Variants in FBLN1 observed in about 807,000 individuals in gnomAD.
The protein encoded by FBLN1 is fibulin-1.
In FBLN1, 34 loss-of-function variants were observed where a neutral mutation model predicts 89.7. That is an observed-to-expected ratio of 0.38 (90% CI 0.29 to 0.50). The LOEUF (loss-of-function observed/expected upper bound fraction) is 0.50, where lower values mean the gene tolerates loss of function less well. Ranked by LOEUF, FBLN1 falls within the 20% of genes least tolerant of loss-of-function variation. The pLI is 0.92. For missense variants in FBLN1, 777 were observed against 988.1 expected, an observed-to-expected ratio of 0.79 and a Z score of 2.86; for synonymous variants, 393 against 391.3, an observed-to-expected ratio of 1.00 and a Z score of -0.05.
chr22:45,533,262 G>A (rs2088433750), intron 6 of FBLN1, 98 bp downstream of exon 6: 29 of 1,155,806 alleles, frequency 2.5e-5, no homozygotes, highest in Non-Finnish European at 3.8e-5. Flanking sequence ...CTACAACCCA[G>A]ACCCCATTCA....
At chr22:45,534,887 C>T (rs1051134771) in intron 7 of FBLN1, among the ~76,000 whole-genome samples, 4 of 152,164 alleles carry the variant, frequency 2.6e-5, no homozygotes, top group Admixed American at 6.5e-5. Flanking sequence ...ATGATCTAAA[C>T]TAAACATACA....
At chr22:45,571,298 C>T (rs1323241110) in intron 14 of FBLN1, among the ~76,000 whole-genome samples, 1 of 151,852 alleles carries the variant, frequency 6.6e-6, no homozygotes, top group African/African-American at 2.4e-5. Context: ...AAAGTTAAGC[C>T]CAGAATTTTA....
chr22:45,565,216 G>T, intron 14 of FBLN1: 1 of 1,487,268 alleles, frequency 6.7e-7, no homozygotes. Flanking sequence ...TGGTTACGAT[G>T]GTCTGAGCTT....
intron 16 of FBLN1, among the ~76,000 whole-genome samples, chr22:45,595,346 G>A (rs2089175018): frequency 6.6e-6 from 1 of 152,164 alleles, no homozygotes; most frequent in Admixed American, 6.6e-5. Context: ...GCTGTGTGCA[G>A]CCGTACAGTC....
At chr22:45,548,266 G>T (rs2088656901) in intron 12 of FBLN1, among the ~76,000 whole-genome samples, 1 of 152,172 alleles carries the variant, frequency 6.6e-6, no homozygotes, top group South Asian at 2.1e-4. Flanking sequence ...GCCGAGGCTG[G>T]TCTCGAACTC....
In FBLN1 at chr22:45,577,226, C is replaced by T; in HGVS notation, c.1972+118C>T. ...CTCCCCAAATTCAAGCCCACCCAACCTTCAGGGCCCAGCGCCGAGGCCACC... is the reference window on the plus strand; with the variant it reads ...CTCCCCAAATTCAAGCCCACCCAACTTTCAGGGCCCAGCGCCGAGGCCACC... On this transcript the variant is annotated intron_variant, in intron 16 of 16. Coordinates refer to ENST00000327858, the MANE Select transcript of FBLN1 (RefSeq NM_006486.3). The surrounding 1 kb of genome is among the most constrained non-coding windows in gnomAD (Gnocchi z 6.6). 1 of 1,196,638 alleles carries T rather than the reference C, an allele frequency of 8.4e-7. No homozygotes were observed. The highest frequency in any genetic ancestry group is 1.3e-5 in the South Asian group (1 of 78,506). 74.1% of individuals were successfully genotyped at this position (1,196,638 alleles called of 1,614,324 possible). A position where few individuals can be genotyped will look rare whatever the true frequency, so the allele number is the denominator to read the frequency against.
rs933631683 is a variant in FBLN1 at position 45,588,288 on chromosome 22, A to G, written c.1972+11180A>G. 1.2e-4 allele frequency among the ~76,000 whole-genome samples: 18 copies of G among 152,168 alleles called. No homozygotes were observed. The highest frequency in any genetic ancestry group is 1.2e-4 in the Non-Finnish European group (8 of 68,036). ...GGAATGGCAGAGTGCTGGAGTGGCC[A>G]TGCCTGGGGAACTCCTTCTGGAAAG... On this transcript the variant is annotated intron_variant, in intron 16 of 16. Coordinates refer to ENST00000327858, the MANE Select transcript of FBLN1 (RefSeq NM_006486.3). This position sits in a 1 kb window ranked among gnomAD's most constrained non-coding sequence, Gnocchi z 5.1.
At chr22:45,592,468 T>C (rs1012148103) in intron 16 of FBLN1, among the ~76,000 whole-genome samples, 4 of 152,088 alleles carry the variant, frequency 2.6e-5, no homozygotes, top group South Asian at 2.1e-4. Context: ...GCTGGGATTA[T>C]AGGCGCCTGC....
chr22:45,550,824 T>C lies in FBLN1; in HGVS notation c.1697+209T>C. On this transcript the variant is annotated intron_variant, in intron 14 of 16. Coordinates refer to ENST00000327858, the MANE Select transcript of FBLN1 (RefSeq NM_006486.3). This position sits in a 1 kb window ranked among gnomAD's most constrained non-coding sequence, Gnocchi z 8.4. ...AGTCAAGGGGGTAACTGCAAATGAG[T>C]CTGGGGTCTATAGTCATGTTTTCAG... is the stretch of plus-strand genomic sequence containing the variant. The C allele has an allele frequency of 1.5e-6, 1 of 677,646 alleles. No individual in the cohort carries two copies. The highest frequency in any genetic ancestry group is 2.6e-6 in the Non-Finnish European group (1 of 383,608). The allele number at this position is 677,646 out of a possible 1,614,324, so 42.0% of individuals were successfully genotyped here.
chr22:45,589,651 AC>A (rs2089119237), intron 16 of FBLN1, among the ~76,000 whole-genome samples: 1 of 152,020 alleles, frequency 6.6e-6, no homozygotes, highest in South Asian at 2.1e-4. Flanking sequence ...CACCAACTTC[AC>A]CTGTCCCCTC....
chr22:45,558,101 C>T (rs1158926891), intron 14 of FBLN1: 17 of 716,888 alleles, frequency 2.4e-5, no homozygotes, highest in Middle Eastern at 5.3e-4. Context: ...ATGAGGCCAT[C>T]GGTGCAGGCT....
rs538349623 is a variant in FBLN1 at position 45,531,238 on chromosome 22, G to A, written c.485-27G>A. Reference sequence around the variant, plus strand: ...AGATAAGATGGGTGTTTGGATAAATGTCTGACTTGGTCTTTTTCCCCCTTA... The same window carrying A: ...AGATAAGATGGGTGTTTGGATAAATATCTGACTTGGTCTTTTTCCCCCTTA... On this transcript the variant is annotated intron_variant, in intron 4 of 16. Transcript: ENST00000327858. The surrounding 1 kb of genome is among the most constrained non-coding windows in gnomAD (Gnocchi z 4.9). 108 of 1,607,790 alleles carry A rather than the reference G, an allele frequency of 6.7e-5. No homozygotes were observed. In the South Asian group the frequency reaches 1.0e-3, roughly 15 times the overall value.
intron 7 of FBLN1, 125 bp from the exon 8 acceptor site, chr22:45,535,075 A>G: frequency 9.1e-7 from 1 of 1,100,688 alleles, no homozygotes; most frequent in Non-Finnish European, 1.4e-6. Flanking sequence ...TTTCTCTATT[A>G]GAATGTTTTG....
At chr22:45,589,782 CTG>C (rs2089120432) in intron 16 of FBLN1, among the ~76,000 whole-genome samples, 2 of 152,222 alleles carry the variant, frequency 1.3e-5, no homozygotes, top group South Asian at 4.1e-4. Context: ...CTCAGGAAAA[CTG>C]AGAGCACCAA....
chr22:45,570,597 AG>A (rs1290994008), intron 14 of FBLN1, among the ~76,000 whole-genome samples: 1 of 137,062 alleles, frequency 7.3e-6, no homozygotes, highest in Non-Finnish European at 1.6e-5. Flanking sequence ...TTGAAGAAAA[AG>A]TGACAAATAT....
In FBLN1 at chr22:45,564,924, T is replaced by A. The variant is rs1383598999; in HGVS notation, c.1698-9587T>A. The A allele has an allele frequency of 1.9e-6, 3 of 1,613,998 alleles. No homozygotes were observed. The Admixed American group carries it at 5.0e-5, about 27-fold the overall frequency. On this transcript the variant is annotated intron_variant, in intron 14 of 16. Transcript: ENST00000327858. ...GGGAAGGCAGAACACCCCAGCGGGA[T>A]CAAGTAAAGAGGACTGCAGGGTTCT... is the stretch of plus-strand genomic sequence containing the variant.
rs1602198829 is a variant in FBLN1, at chr22:45,548,554, G to A, written c.1442-59G>A. On this transcript the variant is annotated intron_variant, in intron 12 of 16. Transcript: ENST00000327858. ...GCAGCCCCCAGGGCGATGTAGCATG[G>A]CCAGCAGCCATGGCCAGGTGCCAGG... is the stretch of plus-strand genomic sequence containing the variant. 1.9e-6 allele frequency: 3 copies of A among 1,607,228 alleles called. No homozygotes were observed. In the East Asian group the frequency reaches 6.7e-5, roughly 36 times the overall value.
At position 45,547,117 on chromosome 22, in the gene FBLN1, C is replaced by T; in HGVS notation, c.1354C>T (p.Gln452Ter). 1.2e-6 allele frequency: 2 copies of T among 1,614,128 alleles called. No homozygotes were observed. Among genetic ancestry groups the T allele is most frequent in the African/African-American group, 2.7e-5 (2 of 75,018 alleles). The change falls in exon 12 of 17, where the codon CAG becomes TAG. Residue 452 changes from glutamine to a stop codon, truncating the protein, a stop_gained. Transcript: ENST00000327858. LOFTEE classifies it high-confidence loss of function. ...TGAGTGCAGCAGCAGCCCCTGTAGCCAGGAGTGTGCCAACGTCTACGGCTC... is the reference window on the plus strand; with the variant it reads ...TGAGTGCAGCAGCAGCCCCTGTAGCTAGGAGTGTGCCAACGTCTACGGCTC... The part of the protein sequence containing the change: ...INECSSSPCS[Q>*]ECANVYGSYQ...
chr22:45,550,470 G>T lies in FBLN1; in HGVS notation c.1574-22G>T. The T allele has an allele frequency of 6.2e-7, 1 of 1,613,752 alleles. No homozygotes were observed. The highest frequency in any genetic ancestry group is 8.5e-7 in the Non-Finnish European group (1 of 1,179,942). On this transcript the variant is annotated intron_variant, in intron 13 of 16. Coordinates refer to ENST00000327858, the MANE Select transcript of FBLN1 (RefSeq NM_006486.3). This position sits in a 1 kb window ranked among gnomAD's most constrained non-coding sequence, Gnocchi z 8.4. ...CTCCTGCAGCCTCTGCCTTCACTGT[G>T]CTGCTGTGGGGTCTCTTGCAGACAT...
Sources: gnomAD v4.1 joint callset for allele counts (sites outside exome capture counted in the v4.1 genomes callset) on GRCh38, gnomAD v4.1.1 for gene constraint, Gnocchi (gnomAD v3.1) non-coding constraint, MANE v1.5 for transcripts, NCBI Gene and HGNC (gene_info 2026-07-23, HGNC 2026-07-21) for gene names.